Variants in EPB41L4B observed in about 807,000 individuals in gnomAD.
EPB41L4B encodes the protein band 4.1-like protein 4B.
A neutral mutation model predicts 112.5 loss-of-function variants in EPB41L4B; 30 were observed. That is an observed-to-expected ratio of 0.27 (90% confidence interval 0.20 to 0.36). The LOEUF (loss-of-function observed/expected upper bound fraction) is 0.36. EPB41L4B is among the 10% of genes least tolerant of loss of function. The pLI is 1.00. For synonymous variants in EPB41L4B, 408 were observed against 439.7 expected (o/e 0.93, Z 0.90); for missense variants, 1,024 against 1,133.3 (o/e 0.90, Z 1.38).
At chr9:109,184,263 AG>A (rs1334656198) in intron 23 of EPB41L4B, among the ~76,000 whole-genome samples, 3 of 152,224 alleles carry the variant, frequency 2.0e-5, no homozygotes, top group Non-Finnish European at 2.9e-5. Flanking sequence ...TCTGTCACCC[AG>A]GCTGGAGTGC....
At chr9:109,316,043 T>C (rs1394903747) in intron 1 of EPB41L4B, among the ~76,000 whole-genome samples, 1 of 152,198 alleles carries the variant, frequency 6.6e-6, no homozygotes, top group African/African-American at 2.4e-5. Context: ...TTCAGCACTC[T>C]GTTGCACCAT....
At chr9:109,276,070 A>ATGTGTATATATACATATATATTATATATG (rs1348375764) in intron 2 of EPB41L4B, among the ~76,000 whole-genome samples, 4 of 147,970 alleles carry the variant, frequency 2.7e-5, no homozygotes, top group Non-Finnish European at 5.9e-5. Context: ...ATACATAAAT[A>ATGTGTATATATACATATATATTATATATG]TGTGTATATA....
At chr9:109,265,066 C>T (rs781193830) in intron 4 of EPB41L4B, 42 bp from the exon 5 acceptor site, 39 of 1,543,058 alleles carry the variant, frequency 2.5e-5, no homozygotes, top group Non-Finnish European at 3.1e-5. Context: ...TAACTCTTTC[C>T]CAGCTGCTCC....
chr9:109,302,909 C>T (rs921976843), intron 1 of EPB41L4B, among the ~76,000 whole-genome samples: 1 of 151,918 alleles, frequency 6.6e-6, no homozygotes, highest in African/African-American at 2.4e-5. Context: ...ATTAAGCTTA[C>T]ATTTTATCAC....
Position 109,207,918 on chromosome 9 carries a change from G to A in EPB41L4B, c.1878+6C>T. 1 of 1,614,018 alleles carries A rather than the reference G, an allele frequency of 6.2e-7. No homozygotes were observed. Among genetic ancestry groups the A allele is most frequent in the Non-Finnish European group, 8.5e-7 (1 of 1,179,984 alleles). On this transcript the variant is annotated splice_donor_region_variant and intron_variant, in intron 18 of 25. Transcript: ENST00000374566. ...GAAATCAAAGGAATGTATGCATTCTGCGCACCTGGATGTTCACTCGGGAAG... is the reference window on the plus strand; with the variant it reads ...GAAATCAAAGGAATGTATGCATTCTACGCACCTGGATGTTCACTCGGGAAG...
intron 1 of EPB41L4B, among the ~76,000 whole-genome samples, chr9:109,302,665 C>T (rs900394014): frequency 3.9e-5 from 6 of 152,092 alleles, no homozygotes; most frequent in Non-Finnish European, 1.5e-5. Flanking sequence ...ACTAAGAACA[C>T]ACCCGAAGAT....
chr9:109,174,481 G>T lies in EPB41L4B; in HGVS notation c.*73C>A. 7.3e-7 allele frequency: 1 copy of T among 1,373,674 alleles called. No homozygotes were observed. Among genetic ancestry groups the T allele is most frequent in the South Asian group, 1.2e-5 (1 of 85,828 alleles). 85.1% of individuals were successfully genotyped at this position (1,373,674 alleles called of 1,614,324 possible). On this transcript the variant is annotated 3_prime_UTR_variant, in exon 26 of 26. Transcript: ENST00000374566. ...ACACACTTGTATGCTGTGCTAGAGT[G>T]AGCACACAAAGCCCGAAGAAAGAAG...
intron 15 of EPB41L4B, among the ~76,000 whole-genome samples, chr9:109,230,844 C>T (rs1405704732): frequency 1.3e-5 from 2 of 152,118 alleles, no homozygotes; most frequent in Non-Finnish European, 2.9e-5. Context: ...GTTGACTCTA[C>T]TTCATCTTTC....
intron 18 of EPB41L4B, 78 bp from the exon 19 acceptor site, chr9:109,203,808 A>T: frequency 8.3e-7 from 1 of 1,201,144 alleles, no homozygotes; most frequent in Non-Finnish European, 1.2e-6. Flanking sequence ...TCTTACATTC[A>T]AAAGATTATA....
intron 1 of EPB41L4B, among the ~76,000 whole-genome samples, chr9:109,284,684 A>C (rs779572421): frequency 4.6e-5 from 7 of 152,206 alleles, no homozygotes; most frequent in Non-Finnish European, 8.8e-5. Flanking sequence ...CTGAGATCGG[A>C]GGCGTGAGCC....
Position 109,192,269 on chromosome 9 carries a change from G to A in EPB41L4B, c.2301+9C>T, listed in dbSNP as rs759360890. ...GACTTTTCTGGTTTTAGCAAAATAG[G>A]AAGTTTACCAGAGGAGTGGCTTCTG... On this transcript the variant is annotated intron_variant, in intron 22 of 25. Coordinates refer to ENST00000374566, the MANE Select transcript of EPB41L4B (RefSeq NM_019114.5). The A allele has an allele frequency of 6.2e-7, 1 of 1,601,000 alleles. No homozygotes were observed.
At chr9:109,259,969 G>C (rs1588180399) in intron 6 of EPB41L4B, among the ~76,000 whole-genome samples, 1 of 152,194 alleles carries the variant, frequency 6.6e-6, no homozygotes, top group African/African-American at 2.4e-5. Flanking sequence ...GGGTGAGGTG[G>C]AAAGCAGACT....
intron 1 of EPB41L4B, among the ~76,000 whole-genome samples, chr9:109,284,481 T>C (rs529470988): frequency 2.0e-5 from 3 of 152,294 alleles, no homozygotes; most frequent in African/African-American, 4.8e-5. Flanking sequence ...GGCAGCATCA[T>C]AGTTCACTGT....
At chr9:109,260,257 A>G (rs1835148407) in intron 6 of EPB41L4B, among the ~76,000 whole-genome samples, 1 of 151,726 alleles carries the variant, frequency 6.6e-6, no homozygotes. Flanking sequence ...TTTTGTAGAG[A>G]CAGGGTTTTG....
At chr9:109,230,473 G>C (rs1012267817) in intron 15 of EPB41L4B, among the ~76,000 whole-genome samples, 19 of 152,196 alleles carry the variant, frequency 1.2e-4, no homozygotes, top group African/African-American at 2.9e-4. Flanking sequence ...TCGTATGCCA[G>C]GAACTACAGC....
intron 1 of EPB41L4B, among the ~76,000 whole-genome samples, chr9:109,305,027 TACC>T (rs1837122424): frequency 6.6e-6 from 1 of 152,130 alleles, no homozygotes; most frequent in African/African-American, 2.4e-5. Context: ...ACGTATATTT[TACC>T]ACAATTTTAA....
chr9:109,272,163 G>A (rs1383812437), intron 2 of EPB41L4B, among the ~76,000 whole-genome samples: 1 of 152,166 alleles, frequency 6.6e-6, no homozygotes, highest in Non-Finnish European at 1.5e-5. Flanking sequence ...CTTGGCTTAT[G>A]AAGAGTATCT....
At chr9:109,247,326 G>C (rs879543277) in intron 14 of EPB41L4B, among the ~76,000 whole-genome samples, 1 of 152,108 alleles carries the variant, frequency 6.6e-6, no homozygotes, top group Non-Finnish European at 1.5e-5. Context: ...ATCCAAGAAG[G>C]GGAATGAAAG....
intron 18 of EPB41L4B, among the ~76,000 whole-genome samples, chr9:109,206,551 A>G (rs1466920458): frequency 6.6e-6 from 1 of 152,216 alleles, no homozygotes; most frequent in Non-Finnish European, 1.5e-5. Flanking sequence ...TTTCCAGGAC[A>G]AGGATGACAA....
Sources: gnomAD v4.1 joint callset for allele counts (sites outside exome capture counted in the v4.1 genomes callset) on GRCh38, gnomAD v4.1.1 for gene constraint, MANE v1.5 for transcripts, NCBI Gene and HGNC (gene_info 2026-07-23, HGNC 2026-07-21) for gene names.